ROBO1: variants seen among roughly 807,000 people sequenced by gnomAD.
The protein encoded by ROBO1 is roundabout homolog 1.
A neutral mutation model predicts 195.9 loss-of-function variants in ROBO1; 149 were observed. The observed-to-expected ratio is 0.76, with a 90% CI of 0.67 to 0.87. The LOEUF is 0.87. ROBO1 is among the 40% of genes least tolerant of loss of function. The pLI is 0.00. For missense variants in ROBO1, 1,933 were observed against 2,068.3 expected, an observed-to-expected ratio of 0.93 and a Z score of 1.27; for synonymous variants, 816 against 733.2, an observed-to-expected ratio of 1.11 and a Z score of -1.82.
chr3:79,531,923 A>G (rs913192007), intron 2 of ROBO1, among the ~76,000 whole-genome samples: 13 of 152,334 alleles, frequency 8.5e-5, no homozygotes, highest in African/African-American at 3.1e-4. Flanking sequence ...TAAATTGTAG[A>G]GATAGTAGGA....
intron 1 of ROBO1, among the ~76,000 whole-genome samples, chr3:79,661,049 TAGAG>T (rs1488999620): frequency 2.6e-5 from 4 of 152,080 alleles, no homozygotes; most frequent in Non-Finnish European, 4.4e-5. Flanking sequence ...AAAAAGTAGA[TAGAG>T]AGGCACAAAG....
At chr3:79,050,404 C>G (rs183054790) in intron 3 of ROBO1, among the ~76,000 whole-genome samples, 1 of 152,192 alleles carries the variant, frequency 6.6e-6, no homozygotes, top group Non-Finnish European at 1.5e-5. Context: ...AACACAAGTC[C>G]TTAGAGACCT....
intron 3 of ROBO1, among the ~76,000 whole-genome samples, chr3:78,957,526 T>C (rs1183926733): frequency 6.6e-6 from 1 of 152,190 alleles, no homozygotes; most frequent in African/African-American, 2.4e-5. Context: ...TATGCAGAAC[T>C]GCATGCAACA....
intron 3 of ROBO1, among the ~76,000 whole-genome samples, chr3:79,080,212 C>G (rs765434452): frequency 6.6e-6 from 1 of 151,552 alleles, no homozygotes; most frequent in Non-Finnish European, 1.5e-5. Flanking sequence ...GAAAAATTTC[C>G]AAAACCTCCT....
chr3:79,391,810 T>C (rs1330048997), intron 2 of ROBO1, among the ~76,000 whole-genome samples: 4 of 152,154 alleles, frequency 2.6e-5, no homozygotes, highest in Non-Finnish European at 4.4e-5. Flanking sequence ...TATTTTATTA[T>C]ATATTCACAT....
chr3:79,348,139 A>G (rs564824824), intron 2 of ROBO1, among the ~76,000 whole-genome samples: 2 of 149,028 alleles, frequency 1.3e-5, no homozygotes, highest in East Asian at 2.0e-4. Context: ...TGAACCCAGG[A>G]GGCAGAGTTT....
intron 4 of ROBO1, among the ~76,000 whole-genome samples, chr3:78,783,482 A>G (rs1221316482): frequency 1.3e-5 from 2 of 152,194 alleles, no homozygotes; most frequent in Non-Finnish European, 2.9e-5. Context: ...ATACATATCT[A>G]CTACATAATG....
At chr3:79,362,588 T>C (rs1212649264) in intron 2 of ROBO1, among the ~76,000 whole-genome samples, 6 of 152,146 alleles carry the variant, frequency 3.9e-5, no homozygotes, top group African/African-American at 1.2e-4. Context: ...TAAAATTAAG[T>C]TTCTTTTCAG....
At chr3:78,866,422 A>T (rs920977727) in intron 4 of ROBO1, among the ~76,000 whole-genome samples, 1 of 152,222 alleles carries the variant, frequency 6.6e-6, no homozygotes, top group African/African-American at 2.4e-5. Flanking sequence ...AGGACTGCTA[A>T]ATGCCACCAT....
At chr3:79,527,397 G>A (rs1941475756) in intron 2 of ROBO1, among the ~76,000 whole-genome samples, 1 of 152,030 alleles carries the variant, frequency 6.6e-6, no homozygotes, top group African/African-American at 2.4e-5. Context: ...AATAAATGAA[G>A]TTCTTCAAAT....
At chr3:79,490,685 T>G (rs1939405354) in intron 2 of ROBO1, among the ~76,000 whole-genome samples, 1 of 152,196 alleles carries the variant, frequency 6.6e-6, no homozygotes, top group Non-Finnish European at 1.5e-5. Context: ...TCCCTGCAGC[T>G]GACTTGGTGC....
At chr3:79,668,057 T>C (rs1000068179) in intron 1 of ROBO1, among the ~76,000 whole-genome samples, 1 of 151,872 alleles carries the variant, frequency 6.6e-6, no homozygotes, top group Non-Finnish European at 1.5e-5. Flanking sequence ...AAATTGATAA[T>C]GGCAATCCTT....
At chr3:79,397,869 A>G (rs1223999657) in intron 2 of ROBO1, among the ~76,000 whole-genome samples, 1 of 152,006 alleles carries the variant, frequency 6.6e-6, no homozygotes, top group Non-Finnish European at 1.5e-5. Context: ...AATGAGAACC[A>G]CTCCTGGGTT....
intron 4 of ROBO1, among the ~76,000 whole-genome samples, chr3:78,929,231 TAA>T (rs1420566067): frequency 2.0e-5 from 3 of 152,134 alleles, no homozygotes; most frequent in Non-Finnish European, 4.4e-5. Context: ...CTTTAGAGAC[TAA>T]GAGACTGAGA....
intron 2 of ROBO1, among the ~76,000 whole-genome samples, chr3:79,149,068 A>G (rs1205719943): frequency 3.9e-5 from 6 of 151,914 alleles, no homozygotes; most frequent in Admixed American, 3.9e-4. Context: ...GTGCTGATAC[A>G]TTGGTAGCCT....
At chr3:79,399,160 G>A (rs2037266565) in intron 2 of ROBO1, among the ~76,000 whole-genome samples, 1 of 152,098 alleles carries the variant, frequency 6.6e-6, no homozygotes, top group Non-Finnish European at 1.5e-5. Flanking sequence ...CAGCAGTAAG[G>A]AGAGAAATGT....
chr3:79,505,733 A>G (rs1940356808), intron 2 of ROBO1, among the ~76,000 whole-genome samples: 1 of 152,250 alleles, frequency 6.6e-6, no homozygotes, highest in South Asian at 2.1e-4. Context: ...GGTAGGTAAT[A>G]CAGGCAGACA....
intron 2 of ROBO1, among the ~76,000 whole-genome samples, chr3:79,397,823 C>T (rs2037210279): frequency 6.6e-6 from 1 of 152,160 alleles, no homozygotes. Flanking sequence ...CATTAAGCTA[C>T]TTAACCTCTC....
intron 4 of ROBO1, among the ~76,000 whole-genome samples, chr3:78,916,868 C>G (rs1199285703): frequency 6.6e-6 from 1 of 152,030 alleles, no homozygotes; most frequent in Non-Finnish European, 1.5e-5. Context: ...CATATGGTGG[C>G]TAAAAACTGT....
Sources: allele counts gnomAD v4.1 joint callset (sites outside exome capture counted in the v4.1 genomes callset), GRCh38; gene constraint gnomAD v4.1.1; transcripts MANE v1.5; gene names NCBI Gene and HGNC (gene_info 2026-07-23, HGNC 2026-07-21).